The following ZNF7 variants were observed in gnomAD, a reference collection of about 807,000 sequenced individuals.
ZNF7 encodes the protein zinc finger protein 7.
Under a neutral mutation model 12.0 loss-of-function variants are expected in ZNF7, and 10 were observed. That is an observed-to-expected ratio of 0.83 (90% CI 0.51 to 1.42). ZNF7 has a LOEUF of 1.42. Ranked by LOEUF, ZNF7 falls within the 40% of genes most tolerant of loss-of-function variation. The pLI is 0.00. For synonymous variants in ZNF7, 334 were observed against 295.0 expected, an observed-to-expected ratio of 1.13 and a Z score of -1.35; for missense variants, 854 against 837.2, an observed-to-expected ratio of 1.02 and a Z score of -0.25.
rs758287767 is a variant in ZNF7 at position 144,842,630 on chromosome 8, A to G, written c.1523A>G (p.Gln508Arg). The change falls in exon 5 of 5, where the codon CAG becomes CGG. Residue 508 changes from glutamine to arginine, a missense_variant. Gln to Arg is a conservative substitution (Grantham distance 43, BLOSUM62 1). Transcript: ENST00000532777. ...AATGACTGTGGAAAAGCCTTCAGTCAGAGTTCCAGCCTTATTTACCATCAG... is the reference window on the plus strand; with the variant it reads ...AATGACTGTGGAAAAGCCTTCAGTCGGAGTTCCAGCCTTATTTACCATCAG... Reference protein sequence around the residue: ...VCNDCGKAFSQSSSLIYHQRI... With the variant: ...VCNDCGKAFSRSSSLIYHQRI... The G allele has an allele frequency of 1.2e-6, 2 of 1,614,106 alleles. No individual in the cohort carries two copies. Among genetic ancestry groups the G allele is most frequent in the East Asian group, 2.2e-5 (1 of 44,902 alleles).
chr8:144,837,236 AT>A, intron 3 of ZNF7, 154 bp from the exon 4 acceptor site: 2 of 574,342 alleles, frequency 3.5e-6, no homozygotes, highest in Non-Finnish European at 3.1e-6. Flanking sequence ...GTGTCCCCAG[AT>A]TCTCCCCACC....
In ZNF7 at chr8:144,842,421, G is replaced by A. The variant is rs1054963579; in HGVS notation, c.1314G>A (p.Glu438=). ...LSQHQLIHTG[E]KPYKCNKCTK... ...AGCATCAGCTGATTCACACTGGAGA[G>A]AAGCCTTATAAATGCAACAAGTGTA... Residue 438 remains glutamate (E), a synonymous_variant, in exon 5 of 5, where the codon GAG becomes GAA. Coordinates refer to ENST00000532777, the MANE Select transcript of ZNF7 (RefSeq NM_003416.4). 1 of 1,614,162 alleles carries A rather than the reference G, an allele frequency of 6.2e-7. No homozygotes were observed. Among genetic ancestry groups the A allele is most frequent in the South Asian group, 1.1e-5 (1 of 91,088 alleles).
Position 144,827,616 on chromosome 8 carries a change from C to A in ZNF7, c.-46+7C>A. The A allele has an allele frequency of 1.0e-6, 1 of 985,476 alleles. No homozygotes were observed. The highest frequency in any genetic ancestry group is 1.2e-6 in the Non-Finnish European group (1 of 829,982). The allele number at this position is 985,476 out of a possible 1,614,324, so 61.0% of individuals were successfully genotyped here. On this transcript the variant is annotated splice_region_variant and intron_variant, in intron 1 of 4. Coordinates refer to ENST00000532777, the MANE Select transcript of ZNF7 (RefSeq NM_003416.4). The stretch of plus-strand genomic sequence containing the variant: ...CGGGTGGTCCTCAGGGAGGGTGAGT[C>A]GGCGCGGCGGGCGCGGACTCGGGTT...
In ZNF7 at chr8:144,842,643, T is replaced by A. The variant is rs1196406759; in HGVS notation, c.1536T>A (p.Leu512=). The change falls in exon 5 of 5, where the codon CTT becomes CTA. Residue 512 remains leucine, a synonymous_variant. Coordinates refer to ENST00000532777, the MANE Select transcript of ZNF7 (RefSeq NM_003416.4). ...AAGCCTTCAGTCAGAGTTCCAGCCTTATTTACCATCAGAGAATCCATAAAG... is the reference window on the plus strand; with the variant it reads ...AAGCCTTCAGTCAGAGTTCCAGCCTAATTTACCATCAGAGAATCCATAAAG... ...CGKAFSQSSS[L]IYHQRIHKGE... 1 of 1,614,184 alleles carries A rather than the reference T, an allele frequency of 6.2e-7. No individual in the cohort carries two copies. Among genetic ancestry groups the A allele is most frequent in the South Asian group, 1.1e-5 (1 of 91,084 alleles).
chr8:144,841,677 T>TGC lies in ZNF7; in HGVS notation c.572_573dup (p.Glu192ArgfsTer99), dbSNP rs1829931127. ...AGCCTCTTGAAAGTCAGGGAGAGAG[T>TGC]GCGGAAGGGATGTCCCAGAGATGCG... On this transcript the variant is annotated frameshift_variant, in exon 5 of 5. Transcript: ENST00000532777. LOFTEE classifies it low-confidence loss of function (END_TRUNC). 1 of 1,613,630 alleles carries TGC rather than the reference T, an allele frequency of 6.2e-7. No individual in the cohort carries two copies. The highest frequency in any genetic ancestry group is 8.5e-7 in the Non-Finnish European group (1 of 1,179,928).
At chr8:144,845,767 C>T (rs1373832919), downstream of ZNF7, among the ~76,000 whole-genome samples, 2 of 152,192 alleles carry the variant, frequency 1.3e-5, no homozygotes, top group Non-Finnish European at 2.9e-5. Flanking sequence ...TGGTGCTCTC[C>T]ACAGCCATGG....
intron 3 of ZNF7, chr8:144,833,861 A>G (rs1283528363): frequency 6.7e-6 from 1 of 150,142 alleles, no homozygotes; most frequent in African/African-American, 2.5e-5. Context: ...GTTCACTGCA[A>G]CCTCCGGCTG....
Position 144,843,437 on chromosome 8 carries a change from AT to A in ZNF7, c.*272del, listed in dbSNP as rs1239674963. ...CCCCATCTCTACTAAAAATACAAAAATTTAGCTGGGCGTGGTGGCAGGCACC... is the reference window on the plus strand; with the variant it reads ...CCCCATCTCTACTAAAAATACAAAAATTAGCTGGGCGTGGTGGCAGGCACC... On this transcript the variant is annotated 3_prime_UTR_variant, in exon 5 of 5. Transcript: ENST00000532777. 5 of 274,132 alleles carry A rather than the reference AT, an allele frequency of 1.8e-5. No individual in the cohort carries two copies. Among genetic ancestry groups the A allele is most frequent in the South Asian group, 8.8e-5 (1 of 11,326 alleles). The allele number at this position is 274,132 out of a possible 1,614,324, so 17.0% of individuals were successfully genotyped here.
At chr8:144,829,258 C>T in intron 2 of ZNF7, 168 bp downstream of exon 2, 2 of 1,533,592 alleles carry the variant, frequency 1.3e-6, no homozygotes, top group African/African-American at 1.4e-5. Flanking sequence ...AAACCAGGGC[C>T]TAATTGAGGC....
Position 144,838,101 on chromosome 8 carries a change from G to T in ZNF7, c.247+594G>T, listed in dbSNP as rs147468047. On this transcript the variant is annotated intron_variant, in intron 4 of 4. Coordinates refer to ENST00000532777, the MANE Select transcript of ZNF7 (RefSeq NM_003416.4). ...GGGAAGGATCCTGTCCTGCCTCTCC[G>T]GGCAGCTGGTGGTTTTCTGGCAGTC... is the stretch of plus-strand genomic sequence containing the variant. 6.1e-5 allele frequency: 43 copies of T among 702,960 alleles called. No individual in the cohort carries two copies. In the African/African-American group the frequency reaches 7.5e-4, roughly 12 times the overall value. 43.5% of individuals were successfully genotyped at this position (702,960 alleles called of 1,614,324 possible). A position where few individuals can be genotyped will look rare whatever the true frequency, so the allele number is the denominator to read the frequency against.
Position 144,843,395 on chromosome 8 carries a change from C to T in ZNF7, c.*227C>T. On this transcript the variant is annotated 3_prime_UTR_variant, in exon 5 of 5. Coordinates refer to ENST00000532777, the MANE Select transcript of ZNF7 (RefSeq NM_003416.4). ...ACGAGGTCAGGAGGTTGAGACCATC[C>T]TGGGTAACAGGTGAAACCCCATCTC... is the stretch of plus-strand genomic sequence containing the variant. 1 of 452,540 alleles carries T rather than the reference C, an allele frequency of 2.2e-6. No individual in the cohort carries two copies. Among genetic ancestry groups the T allele is most frequent in the South Asian group, 4.3e-5 (1 of 23,298 alleles). 28.0% of individuals were successfully genotyped at this position (452,540 alleles called of 1,614,324 possible). A position where few individuals can be genotyped will look rare whatever the true frequency, so the allele number is the denominator to read the frequency against.
chr8:144,837,979 TAAA>T (rs980169704), intron 4 of ZNF7: 3 of 679,976 alleles, frequency 4.4e-6, no homozygotes, highest in Non-Finnish European at 8.1e-6. Context: ...CTAGGAAGCT[TAAA>T]ACAACAGAAA....
intron 4 of ZNF7, among the ~76,000 whole-genome samples, chr8:144,839,898 G>A (rs1323400082): frequency 1.3e-5 from 2 of 152,190 alleles, no homozygotes; most frequent in Non-Finnish European, 2.9e-5. Context: ...CCCCAACAAA[G>A]CCTTGCTGTC....
At position 144,843,209 on chromosome 8, in the gene ZNF7, T is replaced by C. The variant is rs1735408; in HGVS notation, c.*41T>C. 1,252,738 of 1,513,780 alleles carry C rather than the reference T, an allele frequency of 0.83. 520,887 individuals carry two copies. Among genetic ancestry groups the C allele is most frequent in the East Asian group, 1 (44,042 of 44,054 alleles). 93.8% of individuals were successfully genotyped at this position (1,513,780 alleles called of 1,614,324 possible). A position where few individuals can be genotyped will look rare whatever the true frequency, so the allele number is the denominator to read the frequency against. On this transcript the variant is annotated 3_prime_UTR_variant, in exon 5 of 5. Coordinates refer to ENST00000532777, the MANE Select transcript of ZNF7 (RefSeq NM_003416.4). ...ATGTGTATATATGTGAATAAACCTA[T>C]AGCCTTAACTTACTTATTTTATATG...
chr8:144,844,583 A>G (rs1024382437), downstream of ZNF7, among the ~76,000 whole-genome samples: 10 of 151,752 alleles, frequency 6.6e-5, no homozygotes, highest in African/African-American at 1.2e-4. Flanking sequence ...GGTGGCGGGC[A>G]CCTGTAGTCT....
At chr8:144,846,362 G>C (rs777961362), downstream of ZNF7, 12 of 601,284 alleles carry the variant, frequency 2.0e-5, no homozygotes, top group Non-Finnish European at 3.1e-5. Flanking sequence ...TGGTTGGGGA[G>C]AAAATAAGAG....
At chr8:144,838,518 C>T (rs562287638) in intron 4 of ZNF7, 7 of 196,394 alleles carry the variant, frequency 3.6e-5, no homozygotes, top group African/African-American at 1.4e-4. Flanking sequence ...AAAGGAAGCC[C>T]CTCACCTCCC....
chr8:144,840,505 T>C (rs1352744924), intron 4 of ZNF7, among the ~76,000 whole-genome samples: 3 of 152,198 alleles, frequency 2.0e-5, no homozygotes, highest in African/African-American at 7.2e-5. Flanking sequence ...GTGGTTGTCA[T>C]GATCATAGCC....
Position 144,829,277 on chromosome 8 carries a change from G to C in ZNF7, c.3+187G>C, listed in dbSNP as rs1323667559. 4 of 1,531,230 alleles carry C rather than the reference G, an allele frequency of 2.6e-6. No individual in the cohort carries two copies. In the African/African-American group the frequency reaches 4.1e-5, roughly 16 times the overall value. 94.9% of individuals were successfully genotyped at this position (1,531,230 alleles called of 1,614,324 possible). ...CAGGGCCTAATTGAGGCTCTTGAGG[G>C]GGGAGGGTTGTATGACCACCATGGA... On this transcript the variant is annotated intron_variant, in intron 2 of 4. Coordinates refer to ENST00000532777, the MANE Select transcript of ZNF7 (RefSeq NM_003416.4).
Sources: gnomAD v4.1 joint callset for allele counts (sites outside exome capture counted in the v4.1 genomes callset) on GRCh38, gnomAD v4.1.1 for gene constraint, MANE v1.5 for transcripts, NCBI Gene and HGNC (gene_info 2026-07-23, HGNC 2026-07-21) for gene names.